The following C6orf132 variants were observed in gnomAD, a reference collection of about 807,000 sequenced individuals.
C6orf132 encodes uncharacterized protein C6orf132.
C6orf132 carries 43 observed loss-of-function variants against 65.3 expected under a neutral mutation model. The observed-to-expected ratio is 0.66, with a 90% CI of 0.52 to 0.85. The LOEUF is 0.85. Ranked by LOEUF, C6orf132 falls within the 40% of genes least tolerant of loss-of-function variation. C6orf132 has a pLI of 0.00. For synonymous variants in C6orf132, 631 were observed against 654.1 expected (o/e 0.96, Z 0.54); for missense variants, 1,488 against 1,548.8 (o/e 0.96, Z 0.66).
At chr6:42,128,203 G>A (rs1202834514) in intron 2 of C6orf132, among the ~76,000 whole-genome samples, 1 of 151,934 alleles carries the variant, frequency 6.6e-6, no homozygotes. Context: ...GGGATTACAG[G>A]CGTGAGCCAC....
In C6orf132 at chr6:42,105,364, G is replaced by T. The variant is rs775962836; in HGVS notation, c.2548C>A (p.Gln850Lys). The change falls in exon 4 of 5, where the codon CAG becomes AAG. Residue 850 changes from glutamine to lysine, a missense_variant. By Grantham distance (53) the Gln-to-Lys change is moderately conservative. Transcript: ENST00000341865. ...GCAGCCCCTACAGACCTTCCCTTCTGAGCCCTCTGCCTGGCCGCCAGGAGC... is the reference window on the plus strand; with the variant it reads ...GCAGCCCCTACAGACCTTCCCTTCTTAGCCCTCTGCCTGGCCGCCAGGAGC... The part of the protein sequence containing the change: ...ALLLAARQRA[Q>K]KGRSVGAALG... The T allele has an allele frequency of 3.9e-6, 6 of 1,536,422 alleles. No individual in the cohort carries two copies. Among genetic ancestry groups the T allele is most frequent in the South Asian group, 1.2e-5 (1 of 84,050 alleles).
chr6:42,115,545 C>G (rs1766552979), intron 2 of C6orf132, among the ~76,000 whole-genome samples: 1 of 151,766 alleles, frequency 6.6e-6, no homozygotes, highest in Non-Finnish European at 1.5e-5. Context: ...ACTCGGGAGG[C>G]TGAGGCAGGA....
chr6:42,138,394 C>A (rs760263278), intron 1 of C6orf132, among the ~76,000 whole-genome samples: 1 of 152,180 alleles, frequency 6.6e-6, no homozygotes, highest in Non-Finnish European at 1.5e-5. Flanking sequence ...TGAACTCGAG[C>A]AGTCCTCCCG....
At position 42,104,913 on chromosome 6, in the gene C6orf132, G is replaced by T; in HGVS notation, c.2999C>A (p.Ala1000Asp). 1 of 1,456,218 alleles carries T rather than the reference G, an allele frequency of 6.9e-7. No individual in the cohort carries two copies. The highest frequency in any genetic ancestry group is 9.0e-7 in the Non-Finnish European group (1 of 1,108,446). 90.2% of individuals were successfully genotyped at this position (1,456,218 alleles called of 1,614,324 possible). The change falls in exon 4 of 5, where the codon GCC (alanine) becomes GAC (aspartate). Residue 1000 changes from alanine to aspartate, a missense_variant. Ala to Asp is a moderately radical substitution (Grantham distance 126). Transcript: ENST00000341865. The surrounding 1 kb of genome is among the most constrained non-coding windows in gnomAD (Gnocchi z 4.1). ...GCGGCCCAGATACTGGAGGGCCGGG[G>T]CCGGGGGCTCAGGGTCATTGCTGAA... The part of the protein sequence containing the change: ...PEFSNDPEPP[A>D]PALQYLGRQS...
intron 2 of C6orf132, chr6:42,126,440 AT>A (rs1356961706): frequency 6.6e-6 from 1 of 150,434 alleles, no homozygotes; most frequent in Non-Finnish European, 1.5e-5. Flanking sequence ...ATGTTTTAGT[AT>A]TTTACCGACT....
chr6:42,132,524 TAAGAAGAAG>T (rs368964447), intron 1 of C6orf132, among the ~76,000 whole-genome samples: 1 of 143,578 alleles, frequency 7.0e-6, no homozygotes, highest in Non-Finnish European at 1.5e-5. Context: ...CAAAAAATAA[TAAGAAGAAG>T]AAGAAGAAGA....
intron 1 of C6orf132, among the ~76,000 whole-genome samples, chr6:42,138,850 A>AACACACAC (rs59373265): frequency 0.05 from 7,102 of 142,792 alleles, 260 homozygotes; most frequent in African/African-American, 0.098. Flanking sequence ...CATGCATTTA[A>AACACACAC]ACACACACAC....
intron 2 of C6orf132, among the ~76,000 whole-genome samples, chr6:42,125,569 T>C (rs569541387): frequency 9.2e-5 from 14 of 152,270 alleles, no homozygotes; most frequent in Non-Finnish European, 1.8e-4. Flanking sequence ...CTCTGTAAAA[T>C]GAGGCCCCTT....
At position 42,105,585 on chromosome 6, in the gene C6orf132, C is replaced by T. The variant is rs1378188983; in HGVS notation, c.2327G>A (p.Ser776Asn). The T allele has an allele frequency of 6.5e-7, 1 of 1,536,828 alleles. No homozygotes were observed. The highest frequency in any genetic ancestry group is 2.4e-5 in the East Asian group (1 of 40,912). Residue 776 changes from serine (S) to asparagine (N), a missense_variant, in exon 4 of 5, where the codon AGC becomes AAC. Coordinates refer to ENST00000341865, the MANE Select transcript of C6orf132 (RefSeq NM_001164446.3). The part of the protein sequence containing the change: ...PCLYKPHCHQ[S>N]SLSREVAVVM... ...CACAGCAACCTCACGGCTGAGGCTG[C>T]TCTGGTGGCAGTGGGGCTTGTAGAG...
Position 42,142,291 on chromosome 6 carries a change from A to G in C6orf132, c.145+9T>C. 6.5e-7 allele frequency: 1 copy of G among 1,548,958 alleles called. No individual in the cohort carries two copies. Among genetic ancestry groups the G allele is most frequent in the Non-Finnish European group, 8.7e-7 (1 of 1,146,090 alleles). On this transcript the variant is annotated intron_variant, in intron 1 of 4. Coordinates refer to ENST00000341865, the MANE Select transcript of C6orf132 (RefSeq NM_001164446.3). ...CCGCCCCAGCGCCCTCCGTCCCCGG[A>G]GTACTCACCGAAGCCCCCGGTCCCC...
intron 1 of C6orf132, among the ~76,000 whole-genome samples, chr6:42,132,247 G>C (rs1254856075): frequency 1.3e-4 from 20 of 152,184 alleles, no homozygotes; most frequent in Admixed American, 1.3e-3. Flanking sequence ...TGGGTGCGGG[G>C]GCTCACACCT....
rs60811587 is a variant in C6orf132 at position 42,104,228 on chromosome 6, A to T, written c.3449+235T>A. ...GCCTGACCTCTGGGATCTAGCGGGC[A>T]GGAGAGAGACAGACGAGAGGAGCTG... On this transcript the variant is annotated intron_variant, in intron 4 of 4. Transcript: ENST00000341865. This position sits in a 1 kb window ranked among gnomAD's most constrained non-coding sequence, Gnocchi z 4.1. Among the ~76,000 whole-genome samples, 2 of 152,054 alleles carry T rather than the reference A, an allele frequency of 1.3e-5. No homozygotes were observed. Among genetic ancestry groups the T allele is most frequent in the African/African-American group, 4.8e-5 (2 of 41,416 alleles).
intron 1 of C6orf132, among the ~76,000 whole-genome samples, chr6:42,140,801 A>T (rs529415761): frequency 6.6e-6 from 1 of 152,320 alleles, no homozygotes; most frequent in African/African-American, 2.4e-5. Flanking sequence ...TAACACAAAG[A>T]TTTTAGAATG....
chr6:42,114,381 T>C (rs1021498551), intron 2 of C6orf132, among the ~76,000 whole-genome samples: 1 of 152,100 alleles, frequency 6.6e-6, no homozygotes, highest in Non-Finnish European at 1.5e-5. Context: ...ATAGTCTCTC[T>C]GGCTCTCCAA....
At chr6:42,125,050 G>A (rs976226001) in intron 2 of C6orf132, among the ~76,000 whole-genome samples, 3 of 152,120 alleles carry the variant, frequency 2.0e-5, no homozygotes, top group Non-Finnish European at 2.9e-5. Flanking sequence ...TCATCATGGC[G>A]TCAAAAGCAT....
At position 42,120,541 on chromosome 6, in the gene C6orf132, C is replaced by T. The variant is rs530331223; in HGVS notation, c.252+8131G>A. ...GATTACAGGCTTGAGCCACCGTGCC[C>T]GGCCTGAGGTTCTTAACAATGAACT... is the stretch of plus-strand genomic sequence containing the variant. On this transcript the variant is annotated intron_variant, in intron 2 of 4. Transcript: ENST00000341865. Among the ~76,000 whole-genome samples, 18 of 149,876 alleles carry T rather than the reference C, an allele frequency of 1.2e-4. No homozygotes were observed. The East Asian group carries it at 1.6e-3, about 13-fold the overall frequency.
At chr6:42,126,624 C>T (rs1056880581) in intron 2 of C6orf132, 6 of 212,378 alleles carry the variant, frequency 2.8e-5, no homozygotes, top group Non-Finnish European at 5.5e-5. Flanking sequence ...TGTGGATCAC[C>T]TGAGGTCAGG....
chr6:42,115,418 G>A (rs1014923523), intron 2 of C6orf132, among the ~76,000 whole-genome samples: 9 of 151,878 alleles, frequency 5.9e-5, no homozygotes, highest in Admixed American at 5.3e-4. Context: ...AGGCTGAGGC[G>A]GGCGGATCAT....
chr6:42,124,179 G>A lies in C6orf132; in HGVS notation c.252+4493C>T, dbSNP rs1766732139. On this transcript the variant is annotated intron_variant, in intron 2 of 4. Coordinates refer to ENST00000341865, the MANE Select transcript of C6orf132 (RefSeq NM_001164446.3). The surrounding 1 kb of genome is among the most constrained non-coding windows in gnomAD (Gnocchi z 4.0). Reference sequence around the variant, plus strand: ...CACCCCGCATCCCAGCAGCAGAGCTGGGACTGGTGTCAGCTGCTGGAGTAT... The same window carrying A: ...CACCCCGCATCCCAGCAGCAGAGCTAGGACTGGTGTCAGCTGCTGGAGTAT... 6.6e-6 allele frequency among the ~76,000 whole-genome samples: 1 copy of A among 152,242 alleles called. No homozygotes were observed. Among genetic ancestry groups the A allele is most frequent in the South Asian group, 2.1e-4 (1 of 4,828 alleles).
Sources: gnomAD v4.1 joint callset for allele counts (sites outside exome capture counted in the v4.1 genomes callset) on GRCh38, gnomAD v4.1.1 for gene constraint, Gnocchi (gnomAD v3.1) non-coding constraint, MANE v1.5 for transcripts, NCBI Gene and HGNC (gene_info 2026-07-23, HGNC 2026-07-21) for gene names.